CDH12: variants seen among roughly 807,000 people sequenced by gnomAD.
CDH12 encodes cadherin 12.
Under a neutral mutation model 74.1 loss-of-function variants are expected in CDH12, and 41 were observed. That is an observed-to-expected ratio of 0.55 (90% CI 0.43 to 0.72). The LOEUF (loss-of-function observed/expected upper bound fraction) is 0.72. CDH12 is among the 30% of genes least tolerant of loss of function. CDH12 has a pLI of 0.00. For synonymous variants in CDH12, 399 were observed against 355.0 expected (o/e 1.12, Z -1.39); for missense variants, 945 against 977.2 (o/e 0.97, Z 0.44).
intron 5 of CDH12, among the ~76,000 whole-genome samples, chr5:22,021,817 T>C (rs1465171860): frequency 6.6e-6 from 1 of 152,172 alleles, no homozygotes; most frequent in Non-Finnish European, 1.5e-5. Flanking sequence ...GGAGTTAGAA[T>C]GGACATGTGG....
At position 21,876,427 on chromosome 5, in the gene CDH12, T is replaced by C. The variant is rs182294728; in HGVS notation, c.527-21637A>G. Among the ~76,000 whole-genome samples, 242 of 152,312 alleles carry C rather than the reference T, an allele frequency of 1.6e-3. 4 individuals carry two copies. The highest frequency in any genetic ancestry group is 0.015 in the Admixed American group (225 of 15,294). On this transcript the variant is annotated intron_variant, in intron 6 of 14. Transcript: ENST00000382254. ...AGCCCCAGTGACTAAATCCTGACCA[T>C]CATTTATACTTTCCGGTTGCTTCAA... is the stretch of plus-strand genomic sequence containing the variant.
chr5:21,760,518 A>G, intron 13 of CDH12, 40 bp downstream of exon 13: 1 of 947,820 alleles, frequency 1.1e-6, no homozygotes, highest in Non-Finnish European at 1.7e-6. Flanking sequence ...TTTTACAAAG[A>G]TACATGATAA....
intron 6 of CDH12, among the ~76,000 whole-genome samples, chr5:21,959,526 A>C (rs1029719381): frequency 1.3e-5 from 2 of 152,154 alleles, no homozygotes; most frequent in Non-Finnish European, 1.5e-5. Context: ...GAATGGAGGA[A>C]AATCTACCAA....
chr5:21,907,028 C>T (rs1753672074), intron 6 of CDH12, among the ~76,000 whole-genome samples: 1 of 152,238 alleles, frequency 6.6e-6, no homozygotes, highest in South Asian at 2.1e-4. Context: ...GCAGCGACTG[C>T]GCTAAACCGG....
intron 10 of CDH12, among the ~76,000 whole-genome samples, chr5:21,785,959 C>T (rs1366273156): frequency 6.6e-6 from 1 of 152,122 alleles, no homozygotes; most frequent in Admixed American, 6.6e-5. Flanking sequence ...CAATGCCTGG[C>T]TTCAAAGCTT....
intron 3 of CDH12, among the ~76,000 whole-genome samples, chr5:22,374,111 C>G (rs1364944560): frequency 6.6e-6 from 1 of 151,946 alleles, no homozygotes; most frequent in Non-Finnish European, 1.5e-5. Context: ...GATAATATGC[C>G]ATGACAAAGT....
At chr5:21,776,424 G>A (rs953259957) in intron 11 of CDH12, among the ~76,000 whole-genome samples, 4 of 152,152 alleles carry the variant, frequency 2.6e-5, no homozygotes, top group Non-Finnish European at 4.4e-5. Context: ...ATAAAGAGTA[G>A]GTTTTTCTTC....
intron 4 of CDH12, among the ~76,000 whole-genome samples, chr5:22,138,845 A>ATATATATATATATATATAT (rs1746612743): frequency 3.4e-4 from 26 of 76,576 alleles, no homozygotes; most frequent in East Asian, 1.4e-3. Context: ...ATATATACGT[A>ATATATATATATATATATAT]ATATATATAT....
At chr5:22,405,217 T>A (rs1462490813) in intron 3 of CDH12, 40 bp downstream of exon 3, 2 of 594,524 alleles carry the variant, frequency 3.4e-6, no homozygotes, top group Non-Finnish European at 4.2e-6. Context: ...TTAAAAAAAA[T>A]AAAAAATAAA....
chr5:21,872,447 A>G (rs1212072920), intron 6 of CDH12, among the ~76,000 whole-genome samples: 1 of 152,230 alleles, frequency 6.6e-6, no homozygotes, highest in African/African-American at 2.4e-5. Context: ...AGTGACACAC[A>G]TTGAACTCCA....
At chr5:22,065,516 A>G (rs4634320) in intron 5 of CDH12, among the ~76,000 whole-genome samples, 29 of 151,652 alleles carry the variant, frequency 1.9e-4, no homozygotes, top group African/African-American at 6.8e-4. Flanking sequence ...AAATGTCACA[A>G]CTTTGGTCAC....
chr5:22,446,601 G>T (rs1345136834), intron 2 of CDH12, among the ~76,000 whole-genome samples: 1 of 151,994 alleles, frequency 6.6e-6, no homozygotes, highest in African/African-American at 2.4e-5. Context: ...ATGAAACCTA[G>T]AATCTAGAAG....
At chr5:22,312,016 T>C (rs978837384) in intron 3 of CDH12, among the ~76,000 whole-genome samples, 1 of 152,122 alleles carries the variant, frequency 6.6e-6, no homozygotes, top group Non-Finnish European at 1.5e-5. Flanking sequence ...AAATGGAAGC[T>C]AAAAATAATA....
chr5:22,583,413 A>T (rs911309913), intron 1 of CDH12, among the ~76,000 whole-genome samples: 3 of 152,230 alleles, frequency 2.0e-5, no homozygotes, highest in African/African-American at 7.2e-5. Context: ...TCACTTATTT[A>T]CATACAGAAA....
At chr5:22,301,210 G>C (rs927597601) in intron 3 of CDH12, among the ~76,000 whole-genome samples, 5 of 151,972 alleles carry the variant, frequency 3.3e-5, no homozygotes, top group Admixed American at 2.6e-4. Flanking sequence ...GCTGGAATAG[G>C]GTGGCTATTA....
At chr5:21,940,172 A>G (rs1755266662) in intron 6 of CDH12, among the ~76,000 whole-genome samples, 1 of 152,176 alleles carries the variant, frequency 6.6e-6, no homozygotes, top group South Asian at 2.1e-4. Flanking sequence ...AGCTGCACTG[A>G]GCCAAGATCA....
chr5:22,512,569 G>A (rs1034220608), intron 1 of CDH12, among the ~76,000 whole-genome samples: 7 of 152,180 alleles, frequency 4.6e-5, no homozygotes, highest in Non-Finnish European at 8.8e-5. Context: ...AATATCAGCT[G>A]AGGACATGTG....
At chr5:22,760,446 C>T (rs539258637) in intron 1 of CDH12, among the ~76,000 whole-genome samples, 24 of 151,998 alleles carry the variant, frequency 1.6e-4, no homozygotes, top group African/African-American at 4.8e-4. Context: ...TTTGGGAGGC[C>T]GAGGCGGGTG....
chr5:21,779,899 T>G (rs1202158480), intron 11 of CDH12, among the ~76,000 whole-genome samples: 1 of 152,206 alleles, frequency 6.6e-6, no homozygotes, highest in African/African-American at 2.4e-5. Context: ...TACCTACTCT[T>G]CTTATAGAAT....
Sources: allele counts gnomAD v4.1 joint callset (sites outside exome capture counted in the v4.1 genomes callset), GRCh38; gene constraint gnomAD v4.1.1; transcripts MANE v1.5; gene names NCBI Gene and HGNC (gene_info 2026-07-23, HGNC 2026-07-21).